PIP5K1B: variants seen among roughly 807,000 people sequenced by gnomAD.
The protein encoded by PIP5K1B is phosphatidylinositol-4-phosphate 5-kinase type 1 beta, also known as phosphatidylinositol 4-phosphate 5-kinase type-1 beta.
In PIP5K1B, 42 loss-of-function variants were observed where a neutral mutation model predicts 67.0. That is an observed-to-expected ratio of 0.63 (90% CI 0.49 to 0.81). The LOEUF is 0.81. Ranked by LOEUF, PIP5K1B falls within the 30% of genes least tolerant of loss-of-function variation. The pLI is 0.00. For missense variants in PIP5K1B, 459 were observed against 646.3 expected (o/e 0.71, Z 3.14); for synonymous variants, 214 against 231.4 (o/e 0.92, Z 0.68).
At chr9:68,714,500 C>G (rs1303976249) in intron 1 of PIP5K1B, among the ~76,000 whole-genome samples, 1 of 152,232 alleles carries the variant, frequency 6.6e-6, no homozygotes, top group Non-Finnish European at 1.5e-5. Context: ...CCTGAGTCCA[C>G]TCTGGGTCTC....
At chr9:68,731,475 T>G (rs1828427600) in intron 1 of PIP5K1B, among the ~76,000 whole-genome samples, 1 of 152,216 alleles carries the variant, frequency 6.6e-6, no homozygotes, top group Non-Finnish European at 1.5e-5. Flanking sequence ...TAAATGCTAC[T>G]TCCTTTCACT....
intron 4 of PIP5K1B, among the ~76,000 whole-genome samples, chr9:68,827,808 T>C (rs1834066824): frequency 1.3e-5 from 2 of 152,184 alleles, no homozygotes; most frequent in South Asian, 4.1e-4. Context: ...TGTTTGTTTG[T>C]TGTTTAAAAA....
chr9:68,944,645 C>T lies in PIP5K1B; in HGVS notation c.1502+3855C>T, dbSNP rs539029298. ...CGTAGAGGGAAAATTGGCAAAGGCT[C>T]CCTAAATGATGAGTCCAACATTCTA... On this transcript the variant is annotated intron_variant, in intron 14 of 15. Transcript: ENST00000265382. Among the ~76,000 whole-genome samples the T allele has an allele frequency of 1.8e-4, 27 of 152,290 alleles. No homozygotes were observed. In the South Asian group the frequency reaches 3.1e-3, roughly 18 times the overall value.
intron 5 of PIP5K1B, among the ~76,000 whole-genome samples, chr9:68,875,369 G>T (rs1823839133): frequency 7.0e-6 from 1 of 143,232 alleles, no homozygotes; most frequent in Admixed American, 7.1e-5. Flanking sequence ...AGTTGCGTTG[G>T]TTATATTGAA....
intron 14 of PIP5K1B, among the ~76,000 whole-genome samples, chr9:68,976,884 G>A (rs1054721212): frequency 3.3e-5 from 5 of 152,220 alleles, no homozygotes; most frequent in East Asian, 1.9e-4. Context: ...CCACAGACCA[G>A]TAACAGTCTA....
chr9:68,771,875 A>G (rs1358993116), intron 2 of PIP5K1B, among the ~76,000 whole-genome samples: 1 of 152,218 alleles, frequency 6.6e-6, no homozygotes, highest in East Asian at 1.9e-4. Flanking sequence ...AAATTGAGCT[A>G]CAGGTGAAAA....
At chr9:68,780,027 G>T (rs909786374) in intron 2 of PIP5K1B, 3 of 1,187,782 alleles carry the variant, frequency 2.5e-6, no homozygotes, top group Non-Finnish European at 1.1e-6. Context: ...GCGCCTGCGC[G>T]AAGGGCTACG....
chr9:68,724,431 G>A (rs1017098837), intron 1 of PIP5K1B, among the ~76,000 whole-genome samples: 2 of 152,034 alleles, frequency 1.3e-5, no homozygotes, highest in African/African-American at 4.8e-5. Flanking sequence ...TGTGAAGAAT[G>A]TAATTGCTAT....
intron 4 of PIP5K1B, among the ~76,000 whole-genome samples, chr9:68,825,248 C>A (rs906556431): frequency 7.2e-5 from 11 of 152,100 alleles, no homozygotes; most frequent in Admixed American, 5.9e-4. Flanking sequence ...CTAAAAGATT[C>A]GCTAGTCTCC....
At chr9:68,721,766 A>G (rs571665551) in intron 1 of PIP5K1B, among the ~76,000 whole-genome samples, 2 of 152,294 alleles carry the variant, frequency 1.3e-5, no homozygotes, top group South Asian at 2.1e-4. Flanking sequence ...TGATGAAGAC[A>G]CAGTATTATG....
At position 68,935,008 on chromosome 9, in the gene PIP5K1B, G is replaced by A. The variant is rs117957752; in HGVS notation, c.1320G>A (p.Leu440=). Residue 440 remains leucine, a synonymous_variant, in exon 13 of 16, where the codon CTG becomes CTA. Coordinates refer to ENST00000265382, the MANE Select transcript of PIP5K1B (RefSeq NM_003558.4). ...QEWKDEKRDL[L]TEGQSFSSLD... ...GGAAGGATGAGAAGCGGGATTTGCTGACTGAAGGACAAAGTTTTAGCAGCC... is the reference window on the plus strand; with the variant it reads ...GGAAGGATGAGAAGCGGGATTTGCTAACTGAAGGACAAAGTTTTAGCAGCC... 860 of 1,613,734 alleles carry A rather than the reference G, an allele frequency of 5.3e-4. 18 individuals are homozygous for A. The East Asian group carries it at 0.018, about 34-fold the overall frequency.
At chr9:68,856,343 C>A (rs1822779262) in intron 4 of PIP5K1B, among the ~76,000 whole-genome samples, 1 of 152,170 alleles carries the variant, frequency 6.6e-6, no homozygotes, top group African/African-American at 2.4e-5. Flanking sequence ...AATGTCAATT[C>A]CTTAAGGGCA....
intron 2 of PIP5K1B, chr9:68,789,583 C>T (rs141694137): frequency 3.6e-4 from 171 of 471,788 alleles, no homozygotes; most frequent in African/African-American, 2.9e-3. Context: ...AAAAAGTATT[C>T]ACAAACAGAA....
At chr9:68,766,089 A>G (rs1830412620) in intron 2 of PIP5K1B, among the ~76,000 whole-genome samples, 1 of 152,150 alleles carries the variant, frequency 6.6e-6, no homozygotes, top group Admixed American at 6.5e-5. Flanking sequence ...GCTATATAGA[A>G]TGATATTGTG....
At chr9:68,889,548 C>T (rs560009762) in intron 7 of PIP5K1B, among the ~76,000 whole-genome samples, 2 of 152,102 alleles carry the variant, frequency 1.3e-5, no homozygotes, top group Admixed American at 6.5e-5. Context: ...TCCTGGCTAA[C>T]ACAGTGAAAC....
intron 5 of PIP5K1B, among the ~76,000 whole-genome samples, chr9:68,865,567 C>T (rs1823315341): frequency 6.6e-6 from 1 of 152,138 alleles, no homozygotes; most frequent in Non-Finnish European, 1.5e-5. Flanking sequence ...AGCATTACAG[C>T]TGAAGGTGGG....
intron 14 of PIP5K1B, among the ~76,000 whole-genome samples, chr9:68,942,850 C>A (rs747617894): frequency 1.3e-4 from 20 of 152,132 alleles, no homozygotes; most frequent in Non-Finnish European, 2.6e-4. Context: ...CTTGCAAGAA[C>A]AAGAAACCAC....
chr9:68,985,102 G>C (rs967683851), intron 14 of PIP5K1B, among the ~76,000 whole-genome samples: 2 of 152,226 alleles, frequency 1.3e-5, no homozygotes, highest in Non-Finnish European at 2.9e-5. Flanking sequence ...CAGAGGACAT[G>C]CTCGGTCTAA....
chr9:68,727,713 G>T (rs1350415466), intron 1 of PIP5K1B: 1 of 152,154 alleles, frequency 6.6e-6, no homozygotes, highest in East Asian at 1.9e-4. Flanking sequence ...CTGATACTAA[G>T]TATGTTATTT....
Sources: gnomAD v4.1 joint callset for allele counts (sites outside exome capture counted in the v4.1 genomes callset) on GRCh38, gnomAD v4.1.1 for gene constraint, MANE v1.5 for transcripts, NCBI Gene and HGNC (gene_info 2026-07-23, HGNC 2026-07-21) for gene names.